AKT1: variants seen among roughly 807,000 people sequenced by gnomAD.
AKT1 encodes the protein AKT serine/threonine kinase 1, also known as RAC-alpha serine/threonine-protein kinase.
A neutral mutation model predicts 63.1 loss-of-function variants in AKT1; 21 were observed. That is an observed-to-expected ratio of 0.33 (90% CI 0.24 to 0.48). AKT1 has a LOEUF of 0.48. Among genes scored for constraint, AKT1 ranks in the 20% least tolerant of loss-of-function variants. The pLI, the probability that AKT1 is intolerant of heterozygous loss-of-function variation, is 0.99. For missense variants in AKT1, 382 were observed against 666.0 expected, an observed-to-expected ratio of 0.57 and a Z score of 4.69; for synonymous variants, 257 against 253.1, an observed-to-expected ratio of 1.02 and a Z score of -0.15.
chr14:104,785,768 A>G (rs999304730), intron 3 of AKT1, among the ~76,000 whole-genome samples: 103 of 152,142 alleles, frequency 6.8e-4, no homozygotes, highest in African/African-American at 2.4e-3. Flanking sequence ...CCTCAGCCCG[A>G]CACACACACC....
intron 3 of AKT1, among the ~76,000 whole-genome samples, chr14:104,780,805 G>A (rs1470562988): frequency 6.6e-6 from 1 of 151,372 alleles, no homozygotes; most frequent in Admixed American, 6.6e-5. Context: ...CCGGGCTCGC[G>A]GGACAGGACT....
At chr14:104,776,929 A>C (rs1012295449) in intron 4 of AKT1, 159 bp from the exon 5 acceptor site, 2 of 613,152 alleles carry the variant, frequency 3.3e-6, no homozygotes, top group Non-Finnish European at 5.7e-6. Flanking sequence ...TTCTCGCCTC[A>C]CAGAGTGGGG....
Position 104,774,114 on chromosome 14 carries a change from G to A in AKT1, c.634-134C>T, listed in dbSNP as rs75597774. On this transcript the variant is annotated intron_variant, in intron 8 of 14. Coordinates refer to ENST00000649815, the MANE Select transcript of AKT1 (RefSeq NM_001382430.1). ...CCCGTAGCCCCACACCACACTGCCC[G>A]ACACCACGCTGCCTGATACCACACC... 2.9e-4 allele frequency: 224 copies of A among 772,970 alleles called. No individual in the cohort carries two copies. In the East Asian group the frequency reaches 5.2e-3, roughly 18 times the overall value. 47.9% of individuals were successfully genotyped at this position (772,970 alleles called of 1,614,324 possible).
chr14:104,770,717 T>G (rs749201160), intron 14 of AKT1, 28 bp downstream of exon 14: 1 of 1,588,644 alleles, frequency 6.3e-7, no homozygotes. Context: ...GAAAAGGGAG[T>G]GGGCGGGGGC....
At chr14:104,779,899 C>G (rs1315658132) in intron 4 of AKT1, among the ~76,000 whole-genome samples, 189 bp downstream of exon 4, 13 of 150,962 alleles carry the variant, frequency 8.6e-5, no homozygotes, top group Non-Finnish European at 1.5e-5. Flanking sequence ...AGCTTTGGGA[C>G]TCAGCCCGGA....
At chr14:104,781,090 A>G (rs1179837198) in intron 3 of AKT1, among the ~76,000 whole-genome samples, 1 of 152,250 alleles carries the variant, frequency 6.6e-6, no homozygotes, top group Non-Finnish European at 1.5e-5. Flanking sequence ...GAATCAGAGC[A>G]GCTGTCCTCG....
At chr14:104,775,440 G>T in intron 6 of AKT1, 2 of 1,065,386 alleles carry the variant, frequency 1.9e-6, no homozygotes, top group Non-Finnish European at 2.6e-6. Context: ...CATTGCCCAA[G>T]CCTGGCAGGG....
intron 4 of AKT1, among the ~76,000 whole-genome samples, chr14:104,778,838 A>G (rs1382786386): frequency 6.6e-6 from 1 of 152,174 alleles, no homozygotes; most frequent in Non-Finnish European, 1.5e-5. Flanking sequence ...GGAGGGGCCG[A>G]TGCAGCACAT....
At chr14:104,793,637 C>A (rs1893738762) in intron 1 of AKT1, 1 of 170,122 alleles carries the variant, frequency 5.9e-6, no homozygotes, top group South Asian at 2.0e-4. Flanking sequence ...TGGGGGAGCA[C>A]TGGACAGGCC....
At chr14:104,783,905 G>C (rs1893203007) in intron 3 of AKT1, among the ~76,000 whole-genome samples, 1 of 152,242 alleles carries the variant, frequency 6.6e-6, no homozygotes, top group Non-Finnish European at 1.5e-5. Flanking sequence ...TGCCCCTTCA[G>C]AAATGTCAGC....
At chr14:104,780,506 A>C (rs1892969811) in intron 3 of AKT1, among the ~76,000 whole-genome samples, 1 of 152,164 alleles carries the variant, frequency 6.6e-6, no homozygotes, top group South Asian at 2.1e-4. Flanking sequence ...CATGGACAGG[A>C]GGCTGGGAAG....
chr14:104,788,898 C>T (rs920940519), intron 3 of AKT1, among the ~76,000 whole-genome samples: 2 of 152,140 alleles, frequency 1.3e-5, no homozygotes, highest in Admixed American at 6.5e-5. Flanking sequence ...CTCAGATGTC[C>T]GGAGACTGGA....
At chr14:104,774,039 C>G in intron 8 of AKT1, 59 bp from the exon 9 acceptor site, 1 of 1,510,328 alleles carries the variant, frequency 6.6e-7, no homozygotes, top group Non-Finnish European at 9.1e-7. Flanking sequence ...CCCCGCACCA[C>G]GCTGCCCGAC....
At chr14:104,781,130 A>G (rs1893013890) in intron 3 of AKT1, among the ~76,000 whole-genome samples, 1 of 152,148 alleles carries the variant, frequency 6.6e-6, no homozygotes. Flanking sequence ...CATTTTTCAT[A>G]CTGACACTCG....
intron 3 of AKT1, among the ~76,000 whole-genome samples, chr14:104,781,993 G>A (rs1893076096): frequency 6.6e-6 from 1 of 152,178 alleles, no homozygotes; most frequent in Non-Finnish European, 1.5e-5. Context: ...TTGGGTGCCG[G>A]CTCCTGTCCC....
intron 6 of AKT1, 185 bp downstream of exon 6, chr14:104,775,467 T>G (rs781615596): frequency 1.1e-5 from 12 of 1,076,656 alleles, no homozygotes; most frequent in Non-Finnish European, 1.3e-5. Flanking sequence ...AACCCCAGTT[T>G]TCCTCTGACA....
At chr14:104,770,718 G>A (rs1892338178) in intron 14 of AKT1, 27 bp downstream of exon 14, 4 of 1,589,310 alleles carry the variant, frequency 2.5e-6, no homozygotes, top group Non-Finnish European at 3.5e-6. Flanking sequence ...AAAAGGGAGT[G>A]GGCGGGGGCA....
Position 104,781,615 on chromosome 14 carries a change from C to T in AKT1, c.47-1399G>A, listed in dbSNP as rs1379357591. ...GGTGACCTCTCCCTCCTACCCCGGC[C>T]CCAGCTGCCCAATGCCCTTCCCACC... is the stretch of plus-strand genomic sequence containing the variant. On this transcript the variant is annotated intron_variant, in intron 3 of 14. Coordinates refer to ENST00000649815, the MANE Select transcript of AKT1 (RefSeq NM_001382430.1). Among the ~76,000 whole-genome samples the T allele has an allele frequency of 5.3e-5, 8 of 152,316 alleles. No homozygotes were observed. The East Asian group carries it at 7.7e-4, about 15-fold the overall frequency.
chr14:104,769,643 G>A lies in AKT1; in HGVS notation c.*698C>T. ...CACCAAGAACTGTGACACAGAAGGG[G>A]AAGGGGGAGGGCTTTCCTGTCACAA... On this transcript the variant is annotated 3_prime_UTR_variant, in exon 15 of 15. Coordinates refer to ENST00000649815, the MANE Select transcript of AKT1 (RefSeq NM_001382430.1). 1 of 507,150 alleles carries A rather than the reference G, an allele frequency of 2.0e-6. No homozygotes were observed. Among genetic ancestry groups the A allele is most frequent in the Non-Finnish European group, 3.8e-6 (1 of 263,194 alleles). 31.4% of individuals were successfully genotyped at this position (507,150 alleles called of 1,614,324 possible).
Sources: gnomAD v4.1 joint callset for allele counts (sites outside exome capture counted in the v4.1 genomes callset) on GRCh38, gnomAD v4.1.1 for gene constraint, MANE v1.5 for transcripts, NCBI Gene and HGNC (gene_info 2026-07-23, HGNC 2026-07-21) for gene names.